The following AGBL4 variants were observed in gnomAD, a reference collection of about 807,000 sequenced individuals.
AGBL4 encodes cytosolic carboxypeptidase 6.
A neutral mutation model predicts 66.4 loss-of-function variants in AGBL4; 58 were observed. The ratio of observed to expected loss-of-function variants is 0.87; its 90% CI spans 0.71 to 1.09. The LOEUF is 1.09. Ranked by LOEUF, AGBL4 falls within the 50% of genes least tolerant of loss-of-function variation. The probability of loss-of-function intolerance (pLI) is 0.00; values close to 1 mark genes in which losing one functional copy is unlikely to be tolerated. For synonymous variants in AGBL4, 234 were observed against 222.9 expected (o/e 1.05, Z -0.44); for missense variants, 579 against 631.0 (o/e 0.92, Z 0.88).
intron 3 of AGBL4, among the ~76,000 whole-genome samples, chr1:49,246,845 C>T (rs1651683649): frequency 6.6e-6 from 1 of 151,808 alleles, no homozygotes; most frequent in African/African-American, 2.4e-5. Flanking sequence ...CCTTTCTTTC[C>T]AGGGACAGTG....
At chr1:49,242,565 C>A (rs1381271671) in intron 4 of AGBL4, among the ~76,000 whole-genome samples, 2 of 151,894 alleles carry the variant, frequency 1.3e-5, no homozygotes, top group Non-Finnish European at 2.9e-5. Context: ...CAGTGCCTAG[C>A]ACACAGTAAT....
intron 5 of AGBL4, among the ~76,000 whole-genome samples, chr1:48,874,468 C>A (rs1046874248): frequency 3.9e-5 from 6 of 152,150 alleles, no homozygotes; most frequent in African/African-American, 1.4e-4. Flanking sequence ...TTGCTCTTTT[C>A]TTTGAATAAT....
chr1:49,267,025 G>A (rs994301253), intron 3 of AGBL4, among the ~76,000 whole-genome samples: 11 of 152,168 alleles, frequency 7.2e-5, no homozygotes, highest in Admixed American at 3.3e-4. Context: ...TACTGTTATG[G>A]AGAAAACAAG....
intron 1 of AGBL4, among the ~76,000 whole-genome samples, chr1:49,854,506 G>A (rs1436684613): frequency 6.6e-6 from 1 of 152,072 alleles, no homozygotes; most frequent in Non-Finnish European, 1.5e-5. Context: ...GTTCTACAGA[G>A]GAAACTCACA....
downstream of AGBL4, among the ~76,000 whole-genome samples, chr1:48,531,198 C>CT (rs67902508): frequency 1.0e-4 from 13 of 130,204 alleles, no homozygotes; most frequent in Admixed American, 2.3e-4. Flanking sequence ...TTATAGCCAG[C>CT]TTTTTTTTTT....
At position 49,134,924 on chromosome 1, in the gene AGBL4, G is replaced by A. The variant is rs538942586; in HGVS notation, c.378-89124C>T. The stretch of plus-strand genomic sequence containing the variant: ...TGTCACGGCTTCAGCAGGTCCCTCC[G>A]TTTGGGGTCCCTGACTTCCCACAAC... On this transcript the variant is annotated intron_variant, in intron 4 of 13. Coordinates refer to ENST00000371839, the MANE Select transcript of AGBL4 (RefSeq NM_032785.4). Among the ~76,000 whole-genome samples, 256 of 152,098 alleles carry A rather than the reference G, an allele frequency of 1.7e-3. 4 individuals are homozygous for A. The highest frequency in any genetic ancestry group is 5.7e-3 in the African/African-American group (235 of 41,506).
At chr1:48,585,179 T>C (rs1189670930) in intron 11 of AGBL4, 2 of 152,188 alleles carry the variant, frequency 1.3e-5, no homozygotes, top group African/African-American at 4.8e-5. Flanking sequence ...AAGAAACACA[T>C]TTTCTTCTAA....
At chr1:49,423,957 C>G (rs1478294050) in intron 3 of AGBL4, among the ~76,000 whole-genome samples, 1 of 152,102 alleles carries the variant, frequency 6.6e-6, no homozygotes, top group Non-Finnish European at 1.5e-5. Context: ...ACCTTCAACT[C>G]TCTTAAATAA....
At chr1:49,355,523 A>G (rs1016229051) in intron 3 of AGBL4, among the ~76,000 whole-genome samples, 6 of 152,016 alleles carry the variant, frequency 3.9e-5, no homozygotes, top group Non-Finnish European at 7.4e-5. Flanking sequence ...TGTGTCCCCA[A>G]TCCCCCCAAC....
At chr1:48,706,655 TA>T (rs35654337) in intron 6 of AGBL4, among the ~76,000 whole-genome samples, 1 of 151,882 alleles carries the variant, frequency 6.6e-6, no homozygotes, top group African/African-American at 2.4e-5. Flanking sequence ...AAAATGTAAA[TA>T]AAAAAAGTTA....
chr1:49,755,988 C>G (rs1256910479), intron 2 of AGBL4, among the ~76,000 whole-genome samples: 1 of 152,150 alleles, frequency 6.6e-6, no homozygotes, highest in Admixed American at 6.6e-5. Context: ...TTCAATATTT[C>G]CCCATGTTCC....
chr1:48,754,631 C>T (rs1022661579), intron 6 of AGBL4, among the ~76,000 whole-genome samples: 7 of 152,050 alleles, frequency 4.6e-5, no homozygotes, highest in South Asian at 2.1e-4. Flanking sequence ...ATGGGGGTCA[C>T]GGGGCAAAAG....
At chr1:48,625,248 C>T (rs1645484976) in intron 9 of AGBL4, among the ~76,000 whole-genome samples, 1 of 151,540 alleles carries the variant, frequency 6.6e-6, no homozygotes, top group Admixed American at 6.6e-5. Flanking sequence ...CCAGGCTGGT[C>T]TCAAACTCCT....
At chr1:49,845,649 A>T in intron 2 of AGBL4, 1 of 1,608,150 alleles carries the variant, frequency 6.2e-7, no homozygotes, top group Non-Finnish European at 8.5e-7. Context: ...GGACCCACAC[A>T]GGAGAAAAGC....
At chr1:49,941,146 A>C (rs192020398) in intron 1 of AGBL4, among the ~76,000 whole-genome samples, 51 of 152,248 alleles carry the variant, frequency 3.3e-4, no homozygotes, top group Middle Eastern at 3.4e-3. Flanking sequence ...GAAAAAATAG[A>C]AAATCTGAAC....
chr1:49,012,832 T>C (rs1485905438), intron 5 of AGBL4, among the ~76,000 whole-genome samples: 1 of 152,214 alleles, frequency 6.6e-6, no homozygotes, highest in Non-Finnish European at 1.5e-5. Flanking sequence ...TAATCCCCAA[T>C]GTAACAGCAT....
chr1:49,691,768 G>A (rs959069185), intron 3 of AGBL4, among the ~76,000 whole-genome samples: 17 of 152,124 alleles, frequency 1.1e-4, no homozygotes, highest in African/African-American at 3.1e-4. Flanking sequence ...TCAGCTGCCA[G>A]TGTGGCTAGA....
At chr1:49,275,871 A>G (rs1644157486) in intron 3 of AGBL4, among the ~76,000 whole-genome samples, 1 of 152,166 alleles carries the variant, frequency 6.6e-6, no homozygotes, top group Admixed American at 6.5e-5. Context: ...TTTGGGGAAA[A>G]TCACCACAAT....
At chr1:48,713,772 A>G (rs1277983678) in intron 6 of AGBL4, among the ~76,000 whole-genome samples, 1 of 152,188 alleles carries the variant, frequency 6.6e-6, no homozygotes, top group African/African-American at 2.4e-5. Context: ...TCTTAGCATC[A>G]GGGCCTGCCT....
Sources: gnomAD v4.1 joint callset for allele counts (sites outside exome capture counted in the v4.1 genomes callset) on GRCh38, gnomAD v4.1.1 for gene constraint, MANE v1.5 for transcripts, NCBI Gene and HGNC (gene_info 2026-07-23, HGNC 2026-07-21) for gene names.